Variants in PCLO observed in about 807,000 individuals in gnomAD.
PCLO encodes protein piccolo.
A neutral mutation model predicts 427.5 loss-of-function variants in PCLO; 82 were observed. The observed-to-expected ratio is 0.19, with a 90% CI of 0.16 to 0.23. The LOEUF is 0.23. Among genes scored for constraint, PCLO ranks in the 10% least tolerant of loss-of-function variants. The pLI is 1.00. For synonymous variants in PCLO, 2,357 were observed against 2,155.4 expected, an observed-to-expected ratio of 1.09 and a Z score of -2.59; for missense variants, 6,239 against 6,115.9, an observed-to-expected ratio of 1.02 and a Z score of -0.67.
chr7:83,001,501 T>A (rs77055451), intron 3 of PCLO, among the ~76,000 whole-genome samples: 2 of 99,942 alleles, frequency 2.0e-5, no homozygotes, highest in African/African-American at 5.4e-5. Flanking sequence ...CTAACACACA[T>A]ACAAACACAC....
intron 2 of PCLO, among the ~76,000 whole-genome samples, 196 bp downstream of exon 2, chr7:83,154,552 T>C (rs1792217511): frequency 2.6e-5 from 4 of 152,136 alleles, no homozygotes; most frequent in Admixed American, 1.3e-4. Context: ...TTTCAGAAAT[T>C]GTGGCAATGT....
At chr7:83,038,039 TTA>T (rs1286620111) in intron 3 of PCLO, among the ~76,000 whole-genome samples, 6 of 23,364 alleles carry the variant, frequency 2.6e-4, no homozygotes, top group South Asian at 1.4e-3. Flanking sequence ...ATTTATATAT[TTA>T]TATATATATC....
Position 83,155,006 on chromosome 7 carries a change from G to T in PCLO, c.1635C>A (p.Ser545Arg). 2 of 1,613,962 alleles carry T rather than the reference G, an allele frequency of 1.2e-6. No homozygotes were observed. Among genetic ancestry groups the T allele is most frequent in the Non-Finnish European group, 1.7e-6 (2 of 1,179,878 alleles). The change falls in exon 2 of 25, where the codon AGC becomes AGA. Residue 545 changes from serine to arginine, a missense_variant. Transcript: ENST00000333891. ...ATTGCTGAGCCGAGGGCTTTGCTGG[G>T]CTAGGCTGTTGAGCTGAGGGTTTTG... ...GSAKPSAQQP[S>R]PAKPSAQQST...
chr7:82,896,452 C>T (rs1336894650), intron 9 of PCLO, among the ~76,000 whole-genome samples: 1 of 151,518 alleles, frequency 6.6e-6, no homozygotes, highest in African/African-American at 2.4e-5. Flanking sequence ...GGCAAACTTA[C>T]AGAGACAAGA....
intron 9 of PCLO, among the ~76,000 whole-genome samples, chr7:82,886,726 G>A (rs1300790523): frequency 6.6e-6 from 1 of 151,932 alleles, no homozygotes; most frequent in Non-Finnish European, 1.5e-5. Flanking sequence ...GTTATTTTTG[G>A]TTATTTTCAT....
intron 22 of PCLO, among the ~76,000 whole-genome samples, chr7:82,767,371 G>T (rs1790553594): frequency 6.6e-6 from 1 of 152,082 alleles, no homozygotes; most frequent in Admixed American, 6.6e-5. Context: ...ACAGGGAGGA[G>T]AAGAGGAAGG....
intron 22 of PCLO, among the ~76,000 whole-genome samples, chr7:82,780,851 T>C (rs149681744): frequency 1.1e-4 from 16 of 152,302 alleles, no homozygotes; most frequent in Admixed American, 3.9e-4. Flanking sequence ...AAAAGAAGCT[T>C]GAAATTGTAA....
rs1330945987 is a variant in PCLO, at chr7:83,162,703, C to G, written c.-111G>C. 11 of 1,362,838 alleles carry G rather than the reference C, an allele frequency of 8.1e-6. No homozygotes were observed. The Admixed American group carries it at 1.1e-4, about 14-fold the overall frequency. The allele number at this position is 1,362,838 out of a possible 1,614,324, so 84.4% of individuals were successfully genotyped here. A position where few individuals can be genotyped will look rare whatever the true frequency, so the allele number is the denominator to read the frequency against. ...CGGGGTCCGCCTCGGGGCGTGCAGG[C>G]AGCCGAGTCCCTGGACTCTGGACCA... is the stretch of plus-strand genomic sequence containing the variant. On this transcript the variant is annotated 5_prime_UTR_variant, in exon 1 of 25. Transcript: ENST00000333891.
chr7:83,114,632 A>G (rs886318523), intron 3 of PCLO, among the ~76,000 whole-genome samples: 5 of 152,048 alleles, frequency 3.3e-5, no homozygotes, highest in African/African-American at 1.2e-4. Flanking sequence ...ACATTTTACT[A>G]AAGTAAAATG....
chr7:83,126,211 G>C (rs944168545), intron 3 of PCLO, among the ~76,000 whole-genome samples: 19 of 152,164 alleles, frequency 1.2e-4, no homozygotes, highest in Non-Finnish European at 2.2e-4. Flanking sequence ...GTAGAATGAT[G>C]GTTACCACAG....
Position 83,154,761 on chromosome 7 carries a change from G to C in PCLO, c.1880C>G (p.Pro627Arg), listed in dbSNP as rs921495204. The change falls in exon 2 of 25, where the codon CCT (proline) becomes CGT (arginine). Residue 627 changes from proline (P) to arginine (R), a missense_variant. Physicochemically the swap from Pro to Arg is moderately radical, Grantham distance 103 (BLOSUM62 -2). This residue lies in a region of PCLO where 4,677 missense variants were observed against 4,468.4 expected (regional missense o/e 1.05). Coordinates refer to ENST00000333891, the MANE Select transcript of PCLO (RefSeq NM_033026.6). Reference protein sequence around the residue: ...VCSLCGFNPNPHLTEVKEWLC... With the variant: ...VCSLCGFNPNRHLTEVKEWLC... The stretch of plus-strand genomic sequence containing the variant: ...AAATGCACTTACCTCCGTTAAATGA[G>C]GATTGGGATTAAAACCACAGAGACT... 10 of 1,613,284 alleles carry C rather than the reference G, an allele frequency of 6.2e-6. 1 individual carries two copies. In the South Asian group the frequency reaches 6.6e-5, roughly 11 times the overall value.
At chr7:83,120,530 C>T (rs1280255314) in intron 3 of PCLO, among the ~76,000 whole-genome samples, 1 of 151,748 alleles carries the variant, frequency 6.6e-6, no homozygotes, top group African/African-American at 2.4e-5. Flanking sequence ...ATAAGACTAT[C>T]TCAAGACATT....
intron 3 of PCLO, among the ~76,000 whole-genome samples, chr7:83,020,434 C>T (rs1788314645): frequency 6.6e-6 from 1 of 152,062 alleles, no homozygotes; most frequent in Non-Finnish European, 1.5e-5. Flanking sequence ...TTAAATCATG[C>T]AGGATCCATC....
At chr7:82,886,283 T>A (rs1316167588) in intron 9 of PCLO, among the ~76,000 whole-genome samples, 3 of 152,200 alleles carry the variant, frequency 2.0e-5, no homozygotes, top group African/African-American at 7.2e-5. Context: ...TTTATATCTA[T>A]CTTTTTCAAA....
chr7:83,083,715 T>C (rs879429178), intron 3 of PCLO, among the ~76,000 whole-genome samples: 38 of 152,154 alleles, frequency 2.5e-4, no homozygotes, highest in Admixed American at 1.1e-3. Context: ...TAAGTCTACA[T>C]GTAGAAAAAG....
chr7:83,087,281 T>C lies in PCLO; in HGVS notation c.3300+46969A>G, dbSNP rs1487379283. ...CACAAAGGCATACAGAGTGGTATGA[T>C]GGACATTGGAGACTCAGAAGCAGGG... On this transcript the variant is annotated intron_variant, in intron 3 of 24. Transcript: ENST00000333891. Among the ~76,000 whole-genome samples, 9 of 151,632 alleles carry C rather than the reference T, an allele frequency of 5.9e-5. No homozygotes were observed. The East Asian group carries it at 1.7e-3, about 29-fold the overall frequency.
rs541681142 is a variant in PCLO, at chr7:82,879,451, C to T, written c.13540G>A (p.Gly4514Arg). 4.4e-6 allele frequency: 7 copies of T among 1,597,274 alleles called. No individual in the cohort carries two copies. The South Asian group carries it at 5.6e-5, about 13-fold the overall frequency. Residue 4514 changes from glycine to arginine, a missense_variant, in exon 10 of 25, where the codon GGA becomes AGA. Gly to Arg is a moderately radical substitution (Grantham distance 125). Transcript: ENST00000333891. ...KDHTVSGNGL[G>R]IRIVGGKEIP... ...TCTTTACCACCCACAATTCTAATTC[C>T]TAATCCATTACCTGTATTAAACAAT...
chr7:82,820,612 C>T, intron 20 of PCLO: 1 of 1,229,718 alleles, frequency 8.1e-7, no homozygotes, highest in Non-Finnish European at 1.0e-6. Flanking sequence ...AGAGAACTTT[C>T]ACCATGTAAA....
In PCLO at chr7:82,915,102, G is replaced by A. The variant is rs760492327; in HGVS notation, c.12884C>T (p.Pro4295Leu). ...TAAATCAAGCCCATAGACAGAGGAA[G>A]GTCTGGAGGAAGGTCTGGACCTGCT... ...SGSRSRPSSR[P>L]SSVYGLDLSI... is the part of the protein sequence containing the mutation. The change falls in exon 7 of 25, where the codon CCT (proline) becomes CTT (leucine). Residue 4295 changes from proline to leucine, a missense_variant. Physicochemically the swap from Pro to Leu is moderately conservative, Grantham distance 98. Coordinates refer to ENST00000333891, the MANE Select transcript of PCLO (RefSeq NM_033026.6). The A allele has an allele frequency of 1.3e-6, 2 of 1,596,266 alleles. No individual in the cohort carries two copies. Among genetic ancestry groups the A allele is most frequent in the Non-Finnish European group, 1.7e-6 (2 of 1,170,190 alleles).
Sources: allele counts gnomAD v4.1 joint callset (sites outside exome capture counted in the v4.1 genomes callset), GRCh38; gene constraint gnomAD v4.1.1; regional missense constraint gnomAD v4.1.1; transcripts MANE v1.5; gene names NCBI Gene and HGNC (gene_info 2026-07-23, HGNC 2026-07-21).